The following CD4 variants were observed in gnomAD, a reference collection of about 807,000 sequenced individuals.
CD4 encodes T-cell surface glycoprotein CD4.
In CD4, 25 loss-of-function variants were observed where a neutral mutation model predicts 50.5. That is an observed-to-expected ratio of 0.49 (90% CI 0.36 to 0.69). The LOEUF is 0.69. CD4 is among the 30% of genes least tolerant of loss of function. CD4 has a pLI of 0.00. For missense variants in CD4, 456 were observed against 548.5 expected (o/e 0.83, Z 1.68); for synonymous variants, 207 against 221.9 (o/e 0.93, Z 0.60).
chr12:6,791,272 T>C (rs1211976816), intron 1 of CD4, among the ~76,000 whole-genome samples: 1 of 152,214 alleles, frequency 6.6e-6, no homozygotes, highest in Non-Finnish European at 1.5e-5. Context: ...AGACGGAGTC[T>C]CGCTCTCTTG....
chr12:6,804,570 C>T lies in CD4; in HGVS notation c.214+4099C>T, dbSNP rs782192143. On this transcript the variant is annotated intron_variant, in intron 3 of 9. Coordinates refer to ENST00000011653, the MANE Select transcript of CD4 (RefSeq NM_000616.5). ...GTACACAGAAATTAAAACTACAATA[C>T]CATTTATAATTGCTCAAAAAGGCCA... Among the ~76,000 whole-genome samples, 5 of 152,186 alleles carry T rather than the reference C, an allele frequency of 3.3e-5. No homozygotes were observed. In the South Asian group the frequency reaches 8.3e-4, roughly 25 times the overall value.
Position 6,818,487 on chromosome 12 carries a change from T to C in CD4, c.1223T>C (p.Leu408Pro). ...ATTGTGCTGGGGGGCGTCGCCGGCC[T>C]CCTGCTTTTCATTGGGCTAGGCATC... ...ALIVLGGVAG[L>P]LLFIGLGIFF... Residue 408 changes from leucine (L) to proline (P), a missense_variant, in exon 8 of 10, where the codon CTC (leucine) becomes CCC (proline). Physicochemically the swap from Leu to Pro is moderately conservative, Grantham distance 98. Coordinates refer to ENST00000011653, the MANE Select transcript of CD4 (RefSeq NM_000616.5). The surrounding 1 kb of genome is among the most constrained non-coding windows in gnomAD (Gnocchi z 5.0). The C allele has an allele frequency of 3.1e-6, 5 of 1,613,026 alleles. No individual in the cohort carries two copies. Among genetic ancestry groups the C allele is most frequent in the Non-Finnish European group, 4.2e-6 (5 of 1,180,018 alleles).
intron 3 of CD4, among the ~76,000 whole-genome samples, chr12:6,809,882 C>T (rs1942884981): frequency 7.0e-6 from 1 of 142,386 alleles, no homozygotes; most frequent in Admixed American, 7.5e-5. Context: ...AGTCCATTGC[C>T]TATACCTCTT....
At chr12:6,802,330 T>C (rs1942589778) in intron 3 of CD4, among the ~76,000 whole-genome samples, 1 of 151,916 alleles carries the variant, frequency 6.6e-6, no homozygotes, top group African/African-American at 2.4e-5. Context: ...TTTTTTTTTT[T>C]TTTTCTTTTT....
Position 6,818,414 on chromosome 12 carries a change from C to T in CD4, c.1157-7C>T. On this transcript the variant is annotated splice_polypyrimidine_tract_variant and splice_region_variant and intron_variant, in intron 7 of 9. Coordinates refer to ENST00000011653, the MANE Select transcript of CD4 (RefSeq NM_000616.5). This position sits in a 1 kb window ranked among gnomAD's most constrained non-coding sequence, Gnocchi z 5.0. ...CGGTGCATTGAGCACATTTCTCTCC[C>T]TTGCAGTTCTGCCCACATGGTCCAC... 6.2e-7 allele frequency: 1 copy of T among 1,612,170 alleles called. No individual in the cohort carries two copies. Among genetic ancestry groups the T allele is most frequent in the African/African-American group, 1.3e-5 (1 of 75,054 alleles).
At chr12:6,798,346 A>T (rs1565490596) in intron 1 of CD4, among the ~76,000 whole-genome samples, 1 of 131,964 alleles carries the variant, frequency 7.6e-6, no homozygotes, top group African/African-American at 2.8e-5. Flanking sequence ...ATTTTTTTGT[A>T]TTTTTTTAGT....
At chr12:6,813,693 T>C (rs1943004644) in intron 3 of CD4, 4 of 154,954 alleles carry the variant, frequency 2.6e-5, no homozygotes, top group Admixed American at 2.5e-4. Context: ...CAAATCACCA[T>C]CCAAAGAAAT....
chr12:6,796,314 G>A (rs28917475), intron 1 of CD4, among the ~76,000 whole-genome samples: 252 of 152,356 alleles, frequency 1.7e-3, no homozygotes, highest in South Asian at 2.7e-3. Context: ...GGACTTCAGA[G>A]TAGGCAGATC....
At chr12:6,815,049 T>G in intron 5 of CD4, 57 bp downstream of exon 5, 1 of 1,192,086 alleles carries the variant, frequency 8.4e-7, no homozygotes, top group South Asian at 1.3e-5. Context: ...TGACAGCCCC[T>G]CCCTCTGCTC....
intron 5 of CD4, 126 bp from the exon 6 acceptor site, chr12:6,815,930 G>A (rs1943071270): frequency 2.0e-6 from 3 of 1,525,884 alleles, no homozygotes; most frequent in East Asian, 4.8e-5. Context: ...TATCTGAAGT[G>A]ACAAGGTGGG....
In CD4 at chr12:6,812,450, C is replaced by A. The variant is rs782153429; in HGVS notation, c.215-1692C>A. Among the ~76,000 whole-genome samples, 6 of 152,176 alleles carry A rather than the reference C, an allele frequency of 3.9e-5. 1 individual carries two copies. Among genetic ancestry groups the A allele is most frequent in the Admixed American group, 3.9e-4 (6 of 15,272 alleles). On this transcript the variant is annotated intron_variant, in intron 3 of 9. Transcript: ENST00000011653. ...ACCCCAGCACTTCGGGAGGCCAAGGCGAGCGGATCACCTGAGGTTGGGCAT... is the reference window on the plus strand; with the variant it reads ...ACCCCAGCACTTCGGGAGGCCAAGGAGAGCGGATCACCTGAGGTTGGGCAT...
At chr12:6,815,710 G>A (rs1555117795) in intron 5 of CD4, 6 of 1,326,460 alleles carry the variant, frequency 4.5e-6, no homozygotes, top group Non-Finnish European at 5.9e-6. Context: ...CTAGTTAAGT[G>A]TTCGCTGTTA....
At chr12:6,808,034 C>T (rs1942818369) in intron 3 of CD4, among the ~76,000 whole-genome samples, 2 of 134,738 alleles carry the variant, frequency 1.5e-5, no homozygotes, top group South Asian at 4.7e-4. Flanking sequence ...GAGCCGAGAT[C>T]ACGCCACTAC....
chr12:6,797,771 CAG>C (rs1391779908), intron 1 of CD4, among the ~76,000 whole-genome samples: 1 of 152,178 alleles, frequency 6.6e-6, no homozygotes, highest in Admixed American at 6.5e-5. Context: ...TAAAGAGTAA[CAG>C]AGCAGTATTG....
chr12:6,817,907 CCA>C (rs1310861197), intron 7 of CD4, among the ~76,000 whole-genome samples: 27 of 151,812 alleles, frequency 1.8e-4, no homozygotes, highest in African/African-American at 5.6e-4. Context: ...ATACTCTCAC[CCA>C]CACACTGTCG....
At chr12:6,812,015 G>A (rs1381712337) in intron 3 of CD4, among the ~76,000 whole-genome samples, 2 of 152,022 alleles carry the variant, frequency 1.3e-5, no homozygotes, top group East Asian at 1.9e-4. Context: ...CGAGGGTCTC[G>A]ATTGGCTGCC....
chr12:6,808,245 G>A (rs1280375018), intron 3 of CD4, among the ~76,000 whole-genome samples: 16 of 122 alleles, frequency 0.13, no homozygotes, highest in African/African-American at 0.056. Flanking sequence ...ACGAGGTCAG[G>A]AGATTGAGCC....
intron 5 of CD4, 85 bp from the exon 6 acceptor site, chr12:6,815,971 C>A: frequency 6.3e-7 from 1 of 1,581,094 alleles, no homozygotes; most frequent in East Asian, 2.3e-5. Flanking sequence ...CCTTCCATCT[C>A]CCTGCTGCCT....
chr12:6,801,773 G>A (rs1942565346), intron 3 of CD4, among the ~76,000 whole-genome samples: 1 of 150,844 alleles, frequency 6.6e-6, no homozygotes, highest in Non-Finnish European at 1.5e-5. Context: ...TGTTAGCCAG[G>A]CTGGTCTTGA....
Sources: gnomAD v4.1 joint callset for allele counts (sites outside exome capture counted in the v4.1 genomes callset) on GRCh38, gnomAD v4.1.1 for gene constraint, Gnocchi (gnomAD v3.1) non-coding constraint, MANE v1.5 for transcripts, NCBI Gene and HGNC (gene_info 2026-07-23, HGNC 2026-07-21) for gene names.